TRHDE: variants seen among roughly 807,000 people sequenced by gnomAD.
TRHDE encodes thyrotropin releasing hormone degrading enzyme, also known as thyrotropin-releasing hormone-degrading ectoenzyme.
TRHDE carries 72 observed loss-of-function variants against 125.7 expected under a neutral mutation model. The ratio of observed to expected loss-of-function variants is 0.57; its 90% CI spans 0.47 to 0.70. The LOEUF is 0.70. Ranked by LOEUF, TRHDE falls within the 30% of genes least tolerant of loss-of-function variation. The pLI, the probability that TRHDE is intolerant of heterozygous loss-of-function variation, is 0.00. For synonymous variants in TRHDE, 509 were observed against 509.1 expected, an observed-to-expected ratio of 1.00 and a Z score of 0.00; for missense variants, 1,110 against 1,327.1, an observed-to-expected ratio of 0.84 and a Z score of 2.54.
chr12:72,664,291 T>G lies in TRHDE; in HGVS notation c.*1096T>G, dbSNP rs1875032089. 1 of 152,522 alleles carries G rather than the reference T, an allele frequency of 6.6e-6. No homozygotes were observed. The highest frequency in any genetic ancestry group is 2.4e-5 in the African/African-American group (1 of 41,446). 9.4% of individuals were successfully genotyped at this position (152,522 alleles called of 1,614,324 possible). A position where few individuals can be genotyped will look rare whatever the true frequency, so the allele number is the denominator to read the frequency against. Reference sequence around the variant, plus strand: ...GTTTGTTTTCCTACCTTATGCTGAGTAGTCCAGAGAGTTAAAAAAATTCTC... The same window carrying G: ...GTTTGTTTTCCTACCTTATGCTGAGGAGTCCAGAGAGTTAAAAAAATTCTC... On this transcript the variant is annotated 3_prime_UTR_variant, in exon 19 of 19. Coordinates refer to ENST00000261180, the MANE Select transcript of TRHDE (RefSeq NM_013381.3).
chr12:72,286,990 T>G, intron 2 of TRHDE, 36 bp downstream of exon 2: 1 of 1,596,242 alleles, frequency 6.3e-7, no homozygotes, highest in South Asian at 1.1e-5. Flanking sequence ...TTTTGGATAA[T>G]GTACACTCTG....
At chr12:72,326,089 A>G (rs1869326931) in intron 2 of TRHDE, among the ~76,000 whole-genome samples, 1 of 152,100 alleles carries the variant, frequency 6.6e-6, no homozygotes, top group African/African-American at 2.4e-5. Context: ...TTTCTTAACC[A>G]CCAACTGTTC....
In TRHDE at chr12:72,500,192, T is replaced by C. The variant is rs1878088613; in HGVS notation, c.1722+557T>C. 1.3e-5 allele frequency among the ~76,000 whole-genome samples: 2 copies of C among 152,196 alleles called. 1 individual carries two copies. The highest frequency in any genetic ancestry group is 4.1e-4 in the South Asian group (2 of 4,834). ...TTGAGCCAATGACTAGATATAAAAA[T>C]AAGGCAAATATGAATTTTTCCCATT... is the stretch of plus-strand genomic sequence containing the variant. On this transcript the variant is annotated intron_variant, in intron 6 of 18. Transcript: ENST00000261180.
intron 2 of TRHDE, among the ~76,000 whole-genome samples, chr12:72,302,327 T>C (rs1041210656): frequency 2.0e-5 from 3 of 151,794 alleles, no homozygotes; most frequent in Non-Finnish European, 4.4e-5. Context: ...TGATTAAAGG[T>C]GGGGTGGAGG....
At chr12:72,653,468 A>C (rs1229442583) in intron 17 of TRHDE, among the ~76,000 whole-genome samples, 1 of 152,134 alleles carries the variant, frequency 6.6e-6, no homozygotes. Flanking sequence ...AAACCCCTGT[A>C]TCTTGAATAT....
At chr12:72,093,677 T>C (rs1874844639) in intron 1 of TRHDE, among the ~76,000 whole-genome samples, 1 of 152,190 alleles carries the variant, frequency 6.6e-6, no homozygotes, top group Non-Finnish European at 1.5e-5. Context: ...TGGTTTGTTT[T>C]TATGGTTTCT....
chr12:72,291,103 TC>T (rs1880072471), intron 2 of TRHDE, among the ~76,000 whole-genome samples: 1 of 152,218 alleles, frequency 6.6e-6, no homozygotes, highest in South Asian at 2.1e-4. Flanking sequence ...AACATCAGGC[TC>T]AGACTTGAGG....
chr12:72,096,134 T>TGCACAC (rs1555218843), intron 1 of TRHDE, among the ~76,000 whole-genome samples: 1 of 145,100 alleles, frequency 6.9e-6, no homozygotes, highest in Non-Finnish European at 1.5e-5. Flanking sequence ...CTTATGTGTA[T>TGCACAC]ACACACACAC....
At chr12:72,295,092 C>CGCAGCTGTGGTTTGGGTGACT (rs1412726604) in intron 2 of TRHDE, among the ~76,000 whole-genome samples, 1 of 139,946 alleles carries the variant, frequency 7.1e-6, no homozygotes, top group Non-Finnish European at 1.5e-5. Flanking sequence ...TTTGGGTGAC[C>CGCAGCTGTGGTTTGGGTGACT]GCAGCTGTGG....
At chr12:72,643,943 C>CCTTGGTATTA (rs752739937) in intron 15 of TRHDE, among the ~76,000 whole-genome samples, 1 of 152,062 alleles carries the variant, frequency 6.6e-6, no homozygotes, top group Non-Finnish European at 1.5e-5. Flanking sequence ...ATGCTGGATG[C>CCTTGGTATTA]CTTGGTATTA....
chr12:72,307,888 C>T (rs115630159), intron 2 of TRHDE, among the ~76,000 whole-genome samples: 2,480 of 152,170 alleles, frequency 0.016, 64 homozygotes, highest in African/African-American at 0.057. Flanking sequence ...GGATGAATTT[C>T]GCAGCTAACA....
At chr12:72,349,295 C>T (rs1565708295) in intron 2 of TRHDE, among the ~76,000 whole-genome samples, 1 of 151,950 alleles carries the variant, frequency 6.6e-6, no homozygotes, top group African/African-American at 2.4e-5. Flanking sequence ...TTCTAAACTG[C>T]CTGACTATTT....
intron 2 of TRHDE, chr12:72,254,422 G>A (rs1047636673): frequency 6.6e-6 from 1 of 152,044 alleles, no homozygotes; most frequent in African/African-American, 2.4e-5. Flanking sequence ...TGCAAAAATT[G>A]GCTCTAGAGA....
chr12:72,339,598 A>T (rs574188807), intron 2 of TRHDE, among the ~76,000 whole-genome samples: 3 of 152,004 alleles, frequency 2.0e-5, no homozygotes, highest in Non-Finnish European at 4.4e-5. Flanking sequence ...AGCATCTTCT[A>T]TTTCTCCTTT....
chr12:72,272,950 G>A lies in TRHDE; in HGVS notation c.307G>A (p.Ala103Thr), dbSNP rs1157370378. 3 of 1,572,830 alleles carry A rather than the reference G, an allele frequency of 1.9e-6. No individual in the cohort carries two copies. Among genetic ancestry groups the A allele is most frequent in the African/African-American group, 1.3e-5 (1 of 74,446 alleles). ...GGCATTGCTCGCGGTCACAATGCTC[G>A]CTGTGCTGCTCAGCCTGCGCTTCGA... is the stretch of plus-strand genomic sequence containing the variant. ...LVALLAVTMLAVLLSLRFDEC... is the reference protein window; with the variant it reads ...LVALLAVTMLTVLLSLRFDEC... The change falls in exon 1 of 19, where the codon GCT becomes ACT. Residue 103 changes from alanine (A) to threonine (T), a missense_variant. Coordinates refer to ENST00000261180, the MANE Select transcript of TRHDE (RefSeq NM_013381.3). This position sits in a 1 kb window ranked among gnomAD's most constrained non-coding sequence, Gnocchi z 6.7.
At chr12:72,128,360 AAC>A (rs1470565113) in intron 2 of TRHDE, among the ~76,000 whole-genome samples, 1 of 152,098 alleles carries the variant, frequency 6.6e-6, no homozygotes, top group Non-Finnish European at 1.5e-5. Context: ...CATTCATAGA[AAC>A]ACAAAAAGAT....
intron 5 of TRHDE, among the ~76,000 whole-genome samples, chr12:72,481,910 A>G (rs937321589): frequency 6.6e-6 from 1 of 151,988 alleles, no homozygotes; most frequent in South Asian, 2.1e-4. Flanking sequence ...CCTGTGTCCA[A>G]TTAATTCCCT....
rs1871900014 is a variant in TRHDE, at chr12:72,595,503, C to G, written c.2321+19961C>G. ...TTTTCCAGAGTGACTAATTTTAAAACTGATGTCATTCATTTCACTTTTTAT... is the reference window on the plus strand; with the variant it reads ...TTTTCCAGAGTGACTAATTTTAAAAGTGATGTCATTCATTTCACTTTTTAT... On this transcript the variant is annotated intron_variant, in intron 12 of 18. Coordinates refer to ENST00000261180, the MANE Select transcript of TRHDE (RefSeq NM_013381.3). Among the ~76,000 whole-genome samples the G allele has an allele frequency of 2.0e-5, 3 of 151,994 alleles. No homozygotes were observed. In the East Asian group the frequency reaches 5.8e-4, roughly 29 times the overall value.
intron 2 of TRHDE, among the ~76,000 whole-genome samples, chr12:72,240,305 TTATA>T (rs56969276): frequency 0.34 from 37,362 of 111,168 alleles, 4,959 homozygotes; most frequent in South Asian, 0.44. Context: ...TTCTCACATT[TTATA>T]TATATATATA....
Sources: gnomAD v4.1 joint callset for allele counts (sites outside exome capture counted in the v4.1 genomes callset) on GRCh38, gnomAD v4.1.1 for gene constraint, Gnocchi (gnomAD v3.1) non-coding constraint, MANE v1.5 for transcripts, NCBI Gene and HGNC (gene_info 2026-07-23, HGNC 2026-07-21) for gene names.